Variants in NBAS observed in about 807,000 individuals in gnomAD.
NBAS encodes the protein NAG/BC035112 fusion.
In NBAS, 219 loss-of-function variants were observed where a neutral mutation model predicts 302.5. The ratio of observed to expected loss-of-function variants is 0.72; its 90% confidence interval spans 0.65 to 0.81. The LOEUF (loss-of-function observed/expected upper bound fraction) is 0.81, where lower values mean the gene tolerates loss of function less well. Ranked by LOEUF, NBAS falls within the 30% of genes least tolerant of loss-of-function variation. The probability of loss-of-function intolerance (pLI) is 0.00; values close to 1 mark genes in which losing one functional copy is unlikely to be tolerated. For missense variants in NBAS, 2,932 were observed against 2,841.6 expected (o/e 1.03, Z -0.72); for synonymous variants, 1,118 against 1,021.6 (o/e 1.09, Z -1.80).
At chr2:15,381,275 T>TTCAA (rs70961410) in intron 29 of NBAS, among the ~76,000 whole-genome samples, 4 of 151,838 alleles carry the variant, frequency 2.6e-5, no homozygotes, top group Non-Finnish European at 2.9e-5. Context: ...CCACTGAACT[T>TTCAA]ATTTTCCAAG....
At chr2:15,033,905 A>ACCACT in the NBAS span, among the ~76,000 whole-genome samples, 1 of 151,580 alleles carries the variant, frequency 6.6e-6, no homozygotes, top group South Asian at 2.1e-4. Context: ...CTGAGATCAC[A>ACCACT]CCACTCCACT....
intron 48 of NBAS, among the ~76,000 whole-genome samples, chr2:15,196,334 A>C (rs571064645): frequency 6.6e-6 from 1 of 152,206 alleles, no homozygotes; most frequent in African/African-American, 2.4e-5. Context: ...AAAACTTGAA[A>C]ATTCTGAATA....
the NBAS span, among the ~76,000 whole-genome samples, chr2:14,884,756 G>A: frequency 6.6e-6 from 1 of 152,182 alleles, no homozygotes; most frequent in Non-Finnish European, 1.5e-5. Context: ...AAGTGCTGTG[G>A]AGGAAATAAA....
At chr2:15,439,175 C>A (rs1184859095) in intron 21 of NBAS, among the ~76,000 whole-genome samples, 1 of 151,814 alleles carries the variant, frequency 6.6e-6, no homozygotes, top group African/African-American at 2.4e-5. Flanking sequence ...CAGTGGCAGG[C>A]ACCTGCAGTC....
rs929715167 is a variant in NBAS at position 15,264,488 on chromosome 2, T to C, written c.5724+10996A>G. Among the ~76,000 whole-genome samples the C allele has an allele frequency of 2.6e-5, 4 of 152,142 alleles. No individual in the cohort carries two copies. The East Asian group carries it at 5.8e-4, about 22-fold the overall frequency. On this transcript the variant is annotated intron_variant, in intron 44 of 51. Coordinates refer to ENST00000281513, the MANE Select transcript of NBAS (RefSeq NM_015909.4). Reference sequence around the variant, plus strand: ...ATTTTCAATCTCTCCTACTAAATGATTACCTTCGCCAATGTGAAATAATTT... The same window carrying C: ...ATTTTCAATCTCTCCTACTAAATGACTACCTTCGCCAATGTGAAATAATTT...
intron 40 of NBAS, among the ~76,000 whole-genome samples, chr2:15,296,276 C>A (rs2148122888): frequency 6.6e-6 from 1 of 152,264 alleles, no homozygotes; most frequent in Non-Finnish European, 1.5e-5. Context: ...TGGTGGCTCA[C>A]ACCTGTAAAC....
the NBAS span, among the ~76,000 whole-genome samples, chr2:14,902,740 G>A: frequency 3.9e-4 from 60 of 152,286 alleles, no homozygotes; most frequent in Admixed American, 3.6e-3. Context: ...TCGAAAAATG[G>A]TAATAAGTTT....
the NBAS span, among the ~76,000 whole-genome samples, chr2:14,962,964 G>GT: frequency 1.3e-5 from 2 of 151,882 alleles, no homozygotes; most frequent in Non-Finnish European, 2.9e-5. Context: ...ACAAAAAACT[G>GT]TTTTTTAAAA....
the NBAS span, among the ~76,000 whole-genome samples, chr2:15,098,060 G>GTATACAATAT: frequency 0.17 from 6 of 36 alleles, 2 homozygotes; most frequent in Admixed American, 0.5. Flanking sequence ...ATATTATATT[G>GTATACAATAT]TATATATTAT....
the NBAS span, among the ~76,000 whole-genome samples, chr2:14,814,575 A>G: frequency 6.6e-6 from 1 of 152,208 alleles, no homozygotes; most frequent in Non-Finnish European, 1.5e-5. Context: ...AGGAGCATTT[A>G]CCTAATGCAT....
At chr2:15,238,949 C>T (rs980620876) in intron 44 of NBAS, among the ~76,000 whole-genome samples, 4 of 152,086 alleles carry the variant, frequency 2.6e-5, no homozygotes, top group African/African-American at 9.7e-5. Flanking sequence ...ACACTGACTG[C>T]CAGTTACAGT....
At chr2:15,067,176 A>C in the NBAS span, among the ~76,000 whole-genome samples, 3 of 148,974 alleles carry the variant, frequency 2.0e-5, no homozygotes, top group Admixed American at 1.3e-4. Context: ...AAAAAAAAAA[A>C]AAAAAAAAAA....
At chr2:15,204,087 C>A (rs185453079) in intron 48 of NBAS, among the ~76,000 whole-genome samples, 5 of 152,098 alleles carry the variant, frequency 3.3e-5, no homozygotes, top group East Asian at 1.9e-4. Context: ...CATAGTGAGA[C>A]CCCATCTCTA....
the NBAS span, among the ~76,000 whole-genome samples, chr2:15,127,534 C>A: frequency 6.6e-6 from 1 of 152,208 alleles, no homozygotes; most frequent in Non-Finnish European, 1.5e-5. Context: ...GGAAACAGAT[C>A]TACATTTTCA....
intron 23 of NBAS, among the ~76,000 whole-genome samples, chr2:15,421,210 GCA>G (rs149719297): frequency 0.02 from 3,081 of 152,252 alleles, 69 homozygotes; most frequent in East Asian, 0.06. Flanking sequence ...GATGCATAGA[GCA>G]CAGTTTTGTG....
At chr2:15,471,769 G>C (rs978083485) in intron 16 of NBAS, among the ~76,000 whole-genome samples, 3 of 152,176 alleles carry the variant, frequency 2.0e-5, no homozygotes, top group Non-Finnish European at 4.4e-5. Context: ...GGAGGCAGTA[G>C]AGAGCCTTCT....
the NBAS span, among the ~76,000 whole-genome samples, chr2:15,085,507 G>A: frequency 6.6e-6 from 1 of 152,156 alleles, no homozygotes; most frequent in Non-Finnish European, 1.5e-5. Flanking sequence ...TGCCCCAGAT[G>A]CAGGCCCAGG....
intron 31 of NBAS, among the ~76,000 whole-genome samples, chr2:15,370,233 C>T (rs1674417179): frequency 6.6e-6 from 1 of 152,216 alleles, no homozygotes; most frequent in Admixed American, 6.5e-5. Context: ...AGGCAAGTTA[C>T]TTAACCTCCC....
In NBAS at chr2:15,561,266, G is replaced by A. The variant is rs574551087; in HGVS notation, c.39C>T (p.Gly13=). ...TCGTCTCCTCCTCACCCTCTGCAGT[G>A]CCTGGACTCAAAGCCGGCCCTGACT... ...APESGPALSP[G]TAEGEEETIL... The change falls in exon 1 of 52, where the codon GGC becomes GGT. Residue 13 remains glycine, a synonymous_variant. Coordinates refer to ENST00000281513, the MANE Select transcript of NBAS (RefSeq NM_015909.4). 6.2e-7 allele frequency: 1 copy of A among 1,613,932 alleles called. No individual in the cohort carries two copies. The highest frequency in any genetic ancestry group is 8.5e-7 in the Non-Finnish European group (1 of 1,180,042).
Sources: allele counts gnomAD v4.1 joint callset (sites outside exome capture counted in the v4.1 genomes callset), GRCh38; gene constraint gnomAD v4.1.1; transcripts MANE v1.5; gene names NCBI Gene and HGNC (gene_info 2026-07-23, HGNC 2026-07-21).